Variants in RIC1 observed in about 807,000 individuals in gnomAD.
The protein encoded by RIC1 is RIC1 partner of RAB6A GEF complex, also known as guanine nucleotide exchange factor subunit RIC1.
In RIC1, 88 loss-of-function variants were observed where a neutral mutation model predicts 169.0. The ratio of observed to expected loss-of-function variants is 0.52; its 90% CI spans 0.44 to 0.62. The LOEUF (loss-of-function observed/expected upper bound fraction) is 0.62. RIC1 is among the 20% of genes least tolerant of loss of function. The pLI is 0.00. For missense variants in RIC1, 1,877 were observed against 1,725.5 expected (o/e 1.09, Z -1.56); for synonymous variants, 790 against 601.5 (o/e 1.31, Z -4.59).
chr9:5,630,897 C>T (rs149210668), intron 1 of RIC1, among the ~76,000 whole-genome samples: 3 of 152,212 alleles, frequency 2.0e-5, no homozygotes, highest in African/African-American at 7.2e-5. Context: ...CTTTAAAGCA[C>T]ATGCAGAAAA....
intron 2 of RIC1, among the ~76,000 whole-genome samples, chr9:5,657,665 A>T (rs1283396172): frequency 6.6e-6 from 1 of 152,132 alleles, no homozygotes; most frequent in Non-Finnish European, 1.5e-5. Flanking sequence ...CATACTGTAT[A>T]TAACACTGAC....
chr9:5,653,987 T>A (rs1818947891), intron 1 of RIC1, among the ~76,000 whole-genome samples: 1 of 152,194 alleles, frequency 6.6e-6, no homozygotes, highest in Non-Finnish European at 1.5e-5. Flanking sequence ...CATAGTTTTT[T>A]AAAAATGCTT....
chr9:5,734,508 T>G (rs753973782), intron 7 of RIC1, among the ~76,000 whole-genome samples: 8 of 152,234 alleles, frequency 5.3e-5, no homozygotes, highest in Admixed American at 2.0e-4. Context: ...TTATACACCT[T>G]CAAACTTACT....
chr9:5,775,153 A>T lies in RIC1; in HGVS notation c.*907A>T, dbSNP rs1827509562. 1 of 152,196 alleles carries T rather than the reference A, an allele frequency of 6.6e-6. No individual in the cohort carries two copies. Among genetic ancestry groups the T allele is most frequent in the Non-Finnish European group, 1.5e-5 (1 of 68,032 alleles). The allele number at this position is 152,196 out of a possible 1,614,324, so 9.4% of individuals were successfully genotyped here. ...TGAAGTAACAGAAATGGTCACACTG[A>T]TCATGAAATGCAGCAAGTTTTGTGC... On this transcript the variant is annotated 3_prime_UTR_variant, in exon 26 of 26. Coordinates refer to ENST00000414202, the MANE Select transcript of RIC1 (RefSeq NM_020829.4).
chr9:5,685,362 C>G (rs1297538537), intron 2 of RIC1, among the ~76,000 whole-genome samples: 4 of 151,786 alleles, frequency 2.6e-5, no homozygotes, highest in Admixed American at 6.6e-5. Flanking sequence ...CATCACACTA[C>G]CTGACTTCAA....
chr9:5,679,057 A>G (rs527891488), intron 2 of RIC1, among the ~76,000 whole-genome samples: 4 of 151,808 alleles, frequency 2.6e-5, no homozygotes, highest in Admixed American at 1.3e-4. Flanking sequence ...TCAGCTTTCT[A>G]CATATGGCTA....
intron 2 of RIC1, among the ~76,000 whole-genome samples, chr9:5,661,409 A>G (rs150015313): frequency 2.0e-3 from 301 of 152,298 alleles, no homozygotes; most frequent in African/African-American, 6.7e-3. Flanking sequence ...CATTGAATCT[A>G]TAAATTACTT....
intron 7 of RIC1, among the ~76,000 whole-genome samples, chr9:5,734,183 C>A (rs369273162): frequency 6.6e-6 from 1 of 151,328 alleles, no homozygotes; most frequent in Non-Finnish European, 1.5e-5. Context: ...CTTGGCTCAC[C>A]GCAACCTCTG....
chr9:5,629,285 G>A lies in RIC1; in HGVS notation c.-25G>A. On this transcript the variant is annotated 5_prime_UTR_variant, in exon 1 of 26. Coordinates refer to ENST00000414202, the MANE Select transcript of RIC1 (RefSeq NM_020829.4). ...CGCTGAGTGTGACGGACGCAACTGG[G>A]GGCGCCGGGGGCTCCGCACGGACCA... 1 of 1,467,752 alleles carries A rather than the reference G, an allele frequency of 6.8e-7. No homozygotes were observed. Among genetic ancestry groups the A allele is most frequent in the Non-Finnish European group, 9.0e-7 (1 of 1,110,354 alleles). 90.9% of individuals were successfully genotyped at this position (1,467,752 alleles called of 1,614,324 possible).
intron 3 of RIC1, 139 bp from the exon 4 acceptor site, chr9:5,713,757 G>C (rs1341000538): frequency 1.9e-6 from 1 of 518,484 alleles, no homozygotes; most frequent in African/African-American, 1.9e-5. Context: ...ATTTAAGTCT[G>C]TTTTTCATTT....
chr9:5,681,324 C>G (rs917733178), intron 2 of RIC1, among the ~76,000 whole-genome samples: 2 of 152,078 alleles, frequency 1.3e-5, no homozygotes, highest in Non-Finnish European at 2.9e-5. Flanking sequence ...CCTCTACGCA[C>G]TGCTTTGAAT....
At chr9:5,729,423 C>T (rs776216203) in intron 6 of RIC1, among the ~76,000 whole-genome samples, 29 of 152,152 alleles carry the variant, frequency 1.9e-4, no homozygotes, top group Non-Finnish European at 3.8e-4. Flanking sequence ...CCAAGCCTTT[C>T]GTGTACCCTA....
chr9:5,675,281 T>A (rs574627664), intron 2 of RIC1, among the ~76,000 whole-genome samples: 2 of 151,960 alleles, frequency 1.3e-5, no homozygotes, highest in South Asian at 4.2e-4. Flanking sequence ...AATGAGCAGG[T>A]AATGGGAACG....
At chr9:5,743,779 C>T in intron 10 of RIC1, 42 bp downstream of exon 10, 1 of 1,446,686 alleles carries the variant, frequency 6.9e-7, no homozygotes, top group Non-Finnish European at 9.5e-7. Flanking sequence ...ATTAAAAAAA[C>T]TTGGATTTTT....
intron 2 of RIC1, among the ~76,000 whole-genome samples, chr9:5,672,373 A>G (rs2130575405): frequency 6.6e-6 from 1 of 152,346 alleles, no homozygotes; most frequent in South Asian, 2.1e-4. Flanking sequence ...GAAAAAAATT[A>G]CTAAGAACTT....
At position 5,748,189 on chromosome 9, in the gene RIC1, C is replaced by T. The variant is rs183736060; in HGVS notation, c.1452+684C>T. ...ACTTGCATACATAATTTCAGTCTTC[C>T]GACTGTTTTCTTTCCCTTTTTGATA... On this transcript the variant is annotated intron_variant, in intron 12 of 25. Transcript: ENST00000414202. Among the ~76,000 whole-genome samples the T allele has an allele frequency of 3.9e-5, 6 of 152,168 alleles. No homozygotes were observed. In the East Asian group the frequency reaches 5.8e-4, roughly 15 times the overall value.
At chr9:5,685,840 A>G (rs1364088639) in intron 2 of RIC1, among the ~76,000 whole-genome samples, 4 of 136,156 alleles carry the variant, frequency 2.9e-5, no homozygotes, top group Admixed American at 7.4e-5. Context: ...TGAACAGGCA[A>G]CCTACAACAT....
At chr9:5,746,735 A>G (rs1478051794) in intron 11 of RIC1, among the ~76,000 whole-genome samples, 83 of 152,302 alleles carry the variant, frequency 5.4e-4, no homozygotes, top group Non-Finnish European at 1.5e-5. Context: ...CAGTAATGGT[A>G]TATGTTACAT....
At chr9:5,692,336 G>A (rs1821633662) in intron 3 of RIC1, among the ~76,000 whole-genome samples, 1 of 151,972 alleles carries the variant, frequency 6.6e-6, no homozygotes, top group South Asian at 2.1e-4. Flanking sequence ...CATCTCATAA[G>A]ATTAAATGAG....
Sources: allele counts gnomAD v4.1 joint callset (sites outside exome capture counted in the v4.1 genomes callset), GRCh38; gene constraint gnomAD v4.1.1; transcripts MANE v1.5; gene names NCBI Gene and HGNC (gene_info 2026-07-23, HGNC 2026-07-21).